CYLD: variants seen among roughly 807,000 people sequenced by gnomAD.
The protein encoded by CYLD is CYLD lysine 63 deubiquitinase.
CYLD carries 26 observed loss-of-function variants against 104.5 expected under a neutral mutation model. The observed-to-expected ratio is 0.25, with a 90% CI of 0.18 to 0.35. The LOEUF (loss-of-function observed/expected upper bound fraction) is 0.35, where lower values mean the gene tolerates loss of function less well. Ranked by LOEUF, CYLD falls within the 10% of genes least tolerant of loss-of-function variation. CYLD has a pLI of 1.00. For synonymous variants in CYLD, 385 were observed against 399.9 expected (o/e 0.96, Z 0.45); for missense variants, 703 against 1,136.1 (o/e 0.62, Z 5.48).
At position 50,775,149 on chromosome 16, in the gene CYLD, T is replaced by C; in HGVS notation, c.914-17T>C. 6.3e-7 allele frequency: 1 copy of C among 1,595,150 alleles called. No homozygotes were observed. The highest frequency in any genetic ancestry group is 8.5e-7 in the Non-Finnish European group (1 of 1,176,504). On this transcript the variant is annotated splice_polypyrimidine_tract_variant and intron_variant, in intron 5 of 18. Transcript: ENST00000427738. ...CTCAAATCCACTGTGGGTGATATCG[T>C]TTTTGCTGACACACAGCTTTATCAG...
chr16:50,772,738 C>T (rs1969287226), intron 5 of CYLD, among the ~76,000 whole-genome samples: 1 of 152,182 alleles, frequency 6.6e-6, no homozygotes, highest in African/African-American at 2.4e-5. Flanking sequence ...ATGCATTTTA[C>T]ATTTTGATAG....
chr16:50,780,678 T>C (rs1970133854), intron 9 of CYLD, among the ~76,000 whole-genome samples: 1 of 152,084 alleles, frequency 6.6e-6, no homozygotes, highest in South Asian at 2.1e-4. Context: ...ACCATCATGC[T>C]TGGTAATTTT....
At chr16:50,747,435 A>G (rs1966284205) in intron 2 of CYLD, among the ~76,000 whole-genome samples, 2 of 152,244 alleles carry the variant, frequency 1.3e-5, no homozygotes. Context: ...CATAAGATAC[A>G]GCCTTTTAAC....
Position 50,799,643 on chromosome 16 carries a change from C to G in CYLD, c.*3135C>G, listed in dbSNP as rs374305356. ...TATTTTTTTTCACAGATTTTGAGAACAAGGGGGAGAGATAGTATGGAAGAT... is the reference window on the plus strand; with the variant it reads ...TATTTTTTTTCACAGATTTTGAGAAGAAGGGGGAGAGATAGTATGGAAGAT... On this transcript the variant is annotated 3_prime_UTR_variant, in exon 19 of 19. Transcript: ENST00000427738. The G allele has an allele frequency of 1.3e-5, 3 of 233,284 alleles. No homozygotes were observed. The East Asian group carries it at 1.8e-4, about 14-fold the overall frequency. 14.5% of individuals were successfully genotyped at this position (233,284 alleles called of 1,614,324 possible). A position where few individuals can be genotyped will look rare whatever the true frequency, so the allele number is the denominator to read the frequency against.
At chr16:50,747,565 A>G (rs1966296557) in intron 2 of CYLD, among the ~76,000 whole-genome samples, 1 of 152,250 alleles carries the variant, frequency 6.6e-6, no homozygotes, top group Non-Finnish European at 1.5e-5. Flanking sequence ...TGTTAAAAGC[A>G]TTTTGGTCAA....
intron 10 of CYLD, among the ~76,000 whole-genome samples, chr16:50,781,641 G>A (rs1362097274): frequency 1.3e-5 from 2 of 152,116 alleles, no homozygotes; most frequent in Non-Finnish European, 2.9e-5. Flanking sequence ...GAATAATAGT[G>A]TGGTTTGTTT....
chr16:50,790,553 A>T (rs781513274), intron 14 of CYLD, among the ~76,000 whole-genome samples: 1 of 152,050 alleles, frequency 6.6e-6, no homozygotes, highest in African/African-American at 2.4e-5. Flanking sequence ...AAACATTGGT[A>T]TATCATAGCC....
Position 50,750,052 on chromosome 16 carries a change from A to G in CYLD, c.354A>G (p.Arg118=), listed in dbSNP as rs1385167212. The G allele has an allele frequency of 3.1e-6, 5 of 1,614,144 alleles. No individual in the cohort carries two copies. Among genetic ancestry groups the G allele is most frequent in the South Asian group, 1.1e-5 (1 of 91,086 alleles). Residue 118 remains arginine (R), a synonymous_variant, in exon 3 of 19, where the codon AGA becomes AGG. Coordinates refer to ENST00000427738, the MANE Select transcript of CYLD (RefSeq NM_001378743.1). ...TCAGCCTGTTTAAAAACAGAAACAG[A>G]CTAAGTAAAGGCCTCCAAATAGACG... ...ERFSLFKNRN[R]LSKGLQIDVG... is the part of the protein sequence containing the mutation.
At chr16:50,766,304 G>C (rs1968511838) in intron 5 of CYLD, among the ~76,000 whole-genome samples, 1 of 152,178 alleles carries the variant, frequency 6.6e-6, no homozygotes, top group South Asian at 2.1e-4. Flanking sequence ...CAACACATGT[G>C]TTTATAGCAT....
At chr16:50,785,587 C>CT (rs1366217397) in intron 12 of CYLD, 1 of 152,188 alleles carries the variant, frequency 6.6e-6, no homozygotes, top group Non-Finnish European at 1.5e-5. Flanking sequence ...ACCCGAAACT[C>CT]TAAGGCATGT....
At chr16:50,787,280 C>T in intron 13 of CYLD, 1 of 317,786 alleles carries the variant, frequency 3.1e-6, no homozygotes, top group South Asian at 3.3e-5. Flanking sequence ...TACATTTTCC[C>T]ACTGAGTCTT....
At position 50,749,652 on chromosome 16, in the gene CYLD, T is replaced by G. The variant is rs781381812; in HGVS notation, c.-47T>G. 3 of 1,591,950 alleles carry G rather than the reference T, an allele frequency of 1.9e-6. No individual in the cohort carries two copies. The South Asian group carries it at 3.3e-5, about 18-fold the overall frequency. ...CTTTTGCGGTTTTATGACAAAGTTA[T>G]TAGTAGTTTCCCTTTTTTGAATTAG... is the stretch of plus-strand genomic sequence containing the variant. On this transcript the variant is annotated 5_prime_UTR_variant, in exon 3 of 19. Coordinates refer to ENST00000427738, the MANE Select transcript of CYLD (RefSeq NM_001378743.1).
rs57638820 is a variant in CYLD, at chr16:50,798,744, C to T, written c.*2236C>T. On this transcript the variant is annotated 3_prime_UTR_variant, in exon 19 of 19. Coordinates refer to ENST00000427738, the MANE Select transcript of CYLD (RefSeq NM_001378743.1). ...CTTGAAGAAGACCTGTTTGGATGGA[C>T]ACCTGGTTTCAAAAGTCAGGTGTGG... 6.5e-3 allele frequency: 1,519 copies of T among 233,368 alleles called. 16 individuals carry two copies. Among genetic ancestry groups the T allele is most frequent in the African/African-American group, 0.026 (1,177 of 45,456 alleles). The allele number at this position is 233,368 out of a possible 1,614,324, so 14.5% of individuals were successfully genotyped here. A position where few individuals can be genotyped will look rare whatever the true frequency, so the allele number is the denominator to read the frequency against.
Position 50,779,929 on chromosome 16 carries a change from A to ATGG in CYLD, c.1405_1407dup (p.Gly469dup). 1 of 1,613,998 alleles carries ATGG rather than the reference A, an allele frequency of 6.2e-7. No homozygotes were observed. Among genetic ancestry groups the ATGG allele is most frequent in the Non-Finnish European group, 8.5e-7 (1 of 1,179,884 alleles). ...TTGGCCATGCCTCCTGGGAACTCAC[A>ATGG]TGGTCTAGAAGTGGGCTCATTGGCT... On this transcript the variant is annotated inframe_insertion, in exon 9 of 19. Transcript: ENST00000427738.
intron 13 of CYLD, 39 bp downstream of exon 13, chr16:50,786,985 G>C: frequency 6.8e-7 from 1 of 1,477,192 alleles, no homozygotes; most frequent in East Asian, 2.3e-5. Flanking sequence ...AATAACTGAA[G>C]AGCATATTCA....
chr16:50,795,058 G>A (rs1971876569), intron 18 of CYLD, among the ~76,000 whole-genome samples: 1 of 152,168 alleles, frequency 6.6e-6, no homozygotes, highest in African/African-American at 2.4e-5. Context: ...AGGAGCCACG[G>A]TAGCTGTTTA....
At chr16:50,787,012 C>A in intron 13 of CYLD, 66 bp downstream of exon 13, 3 of 1,302,678 alleles carry the variant, frequency 2.3e-6, no homozygotes, top group Non-Finnish European at 2.2e-6. Context: ...AAAGTATTAG[C>A]TGAAATGTGT....
At chr16:50,778,221 G>A (rs1333354089) in intron 8 of CYLD, 1 of 243,802 alleles carries the variant, frequency 4.1e-6, no homozygotes, top group Non-Finnish European at 7.9e-6. Context: ...CCTCTTTAAA[G>A]CACTCCCTTT....
In CYLD at chr16:50,787,745, A is replaced by T. The variant is rs879160741; in HGVS notation, c.2042-41A>T. 4 of 1,114,226 alleles carry T rather than the reference A, an allele frequency of 3.6e-6. No homozygotes were observed. The South Asian group carries it at 5.3e-5, about 15-fold the overall frequency. 69.0% of individuals were successfully genotyped at this position (1,114,226 alleles called of 1,614,324 possible). The stretch of plus-strand genomic sequence containing the variant: ...AAATGAAAAATAAAATGATTTAAAA[A>T]TTTTGCCTGTGACTTATTTGATTTT... On this transcript the variant is annotated intron_variant, in intron 13 of 18. Transcript: ENST00000427738.
Sources: allele counts gnomAD v4.1 joint callset (sites outside exome capture counted in the v4.1 genomes callset), GRCh38; gene constraint gnomAD v4.1.1; transcripts MANE v1.5; gene names NCBI Gene and HGNC (gene_info 2026-07-23, HGNC 2026-07-21).